The following LRRC4C variants were observed in gnomAD, a reference collection of about 807,000 sequenced individuals.
LRRC4C encodes leucine-rich repeat-containing protein 4C.
In LRRC4C, 5 loss-of-function variants were observed where a neutral mutation model predicts 33.6. That is an observed-to-expected ratio of 0.15 (90% CI 0.08 to 0.31). LRRC4C has a LOEUF of 0.31. Among genes scored for constraint, LRRC4C ranks in the 10% least tolerant of loss-of-function variants. LRRC4C has a pLI of 1.00. For missense variants in LRRC4C, 560 were observed against 796.7 expected, an observed-to-expected ratio of 0.70 and a Z score of 3.58; for synonymous variants, 329 against 302.0, an observed-to-expected ratio of 1.09 and a Z score of -0.93.
intron 1 of LRRC4C, among the ~76,000 whole-genome samples, chr11:41,290,959 A>G (rs1310166247): frequency 6.6e-6 from 1 of 152,162 alleles, no homozygotes; most frequent in Non-Finnish European, 1.5e-5. Flanking sequence ...CAGAACATCA[A>G]CTTTCCAAAA....
intron 3 of LRRC4C, among the ~76,000 whole-genome samples, chr11:40,381,918 T>G (rs1037353773): frequency 4.1e-5 from 6 of 147,342 alleles, no homozygotes; most frequent in Admixed American, 3.4e-4. Flanking sequence ...GGACTTCAAA[T>G]AAACAATCAT....
At chr11:40,569,047 C>T (rs16934949) in intron 3 of LRRC4C, among the ~76,000 whole-genome samples, 2,352 of 152,020 alleles carry the variant, frequency 0.015, 67 homozygotes, top group African/African-American at 0.054. Flanking sequence ...ACGCAGTAGC[C>T]GAGACATGCA....
intron 2 of LRRC4C, among the ~76,000 whole-genome samples, chr11:40,871,708 C>T (rs1414918215): frequency 1.3e-5 from 2 of 152,150 alleles, no homozygotes; most frequent in Non-Finnish European, 2.9e-5. Flanking sequence ...AGACTCCCCA[C>T]TCTCCTGCAG....
chr11:41,383,495 G>T (rs186690427), intron 1 of LRRC4C, among the ~76,000 whole-genome samples: 3 of 152,024 alleles, frequency 2.0e-5, no homozygotes, highest in African/African-American at 7.2e-5. Flanking sequence ...AGATGTATAA[G>T]AATATGACTT....
chr11:41,095,916 A>G (rs1940778500), intron 1 of LRRC4C, among the ~76,000 whole-genome samples: 1 of 152,172 alleles, frequency 6.6e-6, no homozygotes, highest in Non-Finnish European at 1.5e-5. Flanking sequence ...ACCCAAACAC[A>G]CATATGTTAA....
chr11:40,724,238 T>TATA (rs1366819047), intron 2 of LRRC4C, among the ~76,000 whole-genome samples: 1 of 152,192 alleles, frequency 6.6e-6, no homozygotes, highest in Non-Finnish European at 1.5e-5. Context: ...GGACTCTATT[T>TATA]GACACTTGAC....
intron 1 of LRRC4C, among the ~76,000 whole-genome samples, chr11:40,956,072 A>C (rs1339436041): frequency 1.3e-5 from 2 of 151,770 alleles, no homozygotes; most frequent in Non-Finnish European, 2.9e-5. Flanking sequence ...AAAGGGCCAT[A>C]TTGTAGATGA....
At chr11:40,812,831 G>C (rs969094967) in intron 2 of LRRC4C, among the ~76,000 whole-genome samples, 7 of 152,054 alleles carry the variant, frequency 4.6e-5, no homozygotes, top group African/African-American at 1.7e-4. Context: ...TTACCTATTT[G>C]TTTATAACAC....
intron 2 of LRRC4C, among the ~76,000 whole-genome samples, chr11:40,765,488 G>T (rs867836271): frequency 6.6e-6 from 1 of 152,116 alleles, no homozygotes; most frequent in Non-Finnish European, 1.5e-5. Flanking sequence ...GTGTGAGAAT[G>T]AATTGATACA....
intron 3 of LRRC4C, among the ~76,000 whole-genome samples, chr11:40,623,367 T>A (rs755203574): frequency 7.2e-5 from 11 of 152,066 alleles, no homozygotes; most frequent in Non-Finnish European, 1.3e-4. Flanking sequence ...TATTTTAAGT[T>A]CTAAAGATTG....
At chr11:41,092,124 T>C (rs1350863789) in intron 1 of LRRC4C, among the ~76,000 whole-genome samples, 1 of 152,202 alleles carries the variant, frequency 6.6e-6, no homozygotes, top group Non-Finnish European at 1.5e-5. Flanking sequence ...AAAATAATTT[T>C]TATTTTTTGT....
chr11:40,874,220 A>G (rs961941396), intron 2 of LRRC4C, among the ~76,000 whole-genome samples: 3 of 152,234 alleles, frequency 2.0e-5, no homozygotes, highest in Admixed American at 6.5e-5. Context: ...CCCACACTCA[A>G]AAAACAAACC....
At chr11:40,810,657 G>T (rs1951449774) in intron 2 of LRRC4C, among the ~76,000 whole-genome samples, 1 of 151,960 alleles carries the variant, frequency 6.6e-6, no homozygotes, top group Non-Finnish European at 1.5e-5. Flanking sequence ...ATCAGAAAAG[G>T]GCACCAACAT....
At chr11:40,993,691 G>A (rs191282580) in intron 1 of LRRC4C, among the ~76,000 whole-genome samples, 9 of 151,672 alleles carry the variant, frequency 5.9e-5, no homozygotes, top group East Asian at 1.9e-4. Flanking sequence ...TTTCTATTGC[G>A]AATATCAGAC....
intron 1 of LRRC4C, among the ~76,000 whole-genome samples, chr11:41,447,719 A>G (rs992793498): frequency 2.0e-5 from 3 of 152,188 alleles, no homozygotes; most frequent in African/African-American, 7.2e-5. Flanking sequence ...ACCACAATCT[A>G]CGACACAAAA....
chr11:40,505,022 GT>G (rs1248504013), intron 3 of LRRC4C, among the ~76,000 whole-genome samples: 3 of 152,184 alleles, frequency 2.0e-5, no homozygotes, highest in South Asian at 2.1e-4. Flanking sequence ...GAAGGCAGGT[GT>G]TTTTTTGTTT....
intron 1 of LRRC4C, among the ~76,000 whole-genome samples, chr11:40,954,988 C>G (rs917893750): frequency 6.6e-6 from 1 of 151,760 alleles, no homozygotes; most frequent in Non-Finnish European, 1.5e-5. Context: ...TCCCAATTCT[C>G]AAAACTGTAT....
intron 5 of LRRC4C, among the ~76,000 whole-genome samples, chr11:40,149,395 C>G (rs1396754632): frequency 6.6e-6 from 1 of 152,070 alleles, no homozygotes; most frequent in Non-Finnish European, 1.5e-5. Context: ...TTGTTGAGAT[C>G]TTTCACCTCC....
intron 1 of LRRC4C, among the ~76,000 whole-genome samples, chr11:41,137,903 C>A (rs988634770): frequency 1.3e-5 from 2 of 152,004 alleles, no homozygotes; most frequent in Admixed American, 6.6e-5. Context: ...GCTTTTGGAC[C>A]CAGGTGGGAG....
Sources: allele counts gnomAD v4.1 joint callset (sites outside exome capture counted in the v4.1 genomes callset), GRCh38; gene constraint gnomAD v4.1.1; transcripts MANE v1.5; gene names NCBI Gene and HGNC (gene_info 2026-07-23, HGNC 2026-07-21).